NUBPL: variants seen among roughly 807,000 people sequenced by gnomAD.
NUBPL encodes the protein iron-sulfur cluster transfer protein NUBPL.
NUBPL carries 31 observed loss-of-function variants against 45.7 expected under a neutral mutation model. That is an observed-to-expected ratio of 0.68 (90% CI 0.51 to 0.92). The LOEUF (loss-of-function observed/expected upper bound fraction) is 0.92. Among genes scored for constraint, NUBPL ranks in the 40% least tolerant of loss-of-function variants. The pLI is 0.00. For missense variants in NUBPL, 401 were observed against 398.7 expected (o/e 1.01, Z -0.05); for synonymous variants, 144 against 140.9 (o/e 1.02, Z -0.15).
intron 4 of NUBPL, among the ~76,000 whole-genome samples, chr14:31,603,299 G>GAAAAAAA (rs529470069): frequency 8.8e-5 from 5 of 57,012 alleles, no homozygotes; most frequent in African/African-American, 2.5e-4. Flanking sequence ...GATCCTGTCT[G>GAAAAAAA]AAAAAAAAAA....
chr14:31,777,528 T>C (rs147612663), intron 6 of NUBPL, among the ~76,000 whole-genome samples: 1 of 152,134 alleles, frequency 6.6e-6, no homozygotes, highest in Non-Finnish European at 1.5e-5. Flanking sequence ...TAAAATAGGC[T>C]AGAACAATTT....
intron 7 of NUBPL, among the ~76,000 whole-genome samples, chr14:31,790,467 CTAA>C (rs2039359515): frequency 6.6e-6 from 1 of 152,062 alleles, no homozygotes; most frequent in African/African-American, 2.4e-5. Context: ...TTAAGTAGTA[CTAA>C]TAATATATTG....
intron 4 of NUBPL, among the ~76,000 whole-genome samples, chr14:31,669,107 C>T (rs991844797): frequency 1.3e-5 from 2 of 152,162 alleles, no homozygotes; most frequent in African/African-American, 2.4e-5. Context: ...AATTGACTCT[C>T]GAACTTCAGC....
chr14:31,638,589 G>T (rs949560494), intron 4 of NUBPL, among the ~76,000 whole-genome samples: 1 of 152,052 alleles, frequency 6.6e-6, no homozygotes, highest in Admixed American at 6.6e-5. Flanking sequence ...TTCTCGAGGA[G>T]TATCTTTGTG....
chr14:31,620,752 A>C (rs1281419864), intron 4 of NUBPL, among the ~76,000 whole-genome samples: 2 of 152,178 alleles, frequency 1.3e-5, no homozygotes, highest in African/African-American at 4.8e-5. Context: ...GTCAGGATAC[A>C]CAGGGGTCAG....
intron 6 of NUBPL, among the ~76,000 whole-genome samples, chr14:31,753,192 C>T (rs371881705): frequency 2.6e-5 from 4 of 152,208 alleles, no homozygotes; most frequent in East Asian, 1.9e-4. Context: ...CTGAGTGGGC[C>T]GGTTCTCAGG....
intron 6 of NUBPL, among the ~76,000 whole-genome samples, chr14:31,687,293 G>C (rs957353692): frequency 9.9e-5 from 15 of 152,054 alleles, no homozygotes; most frequent in African/African-American, 3.6e-4. Context: ...ATGTATCTTA[G>C]AAATATCAAA....
At chr14:31,694,504 A>G (rs2037170324) in intron 6 of NUBPL, among the ~76,000 whole-genome samples, 1 of 152,122 alleles carries the variant, frequency 6.6e-6, no homozygotes, top group African/African-American at 2.4e-5. Flanking sequence ...TCTTACAGCA[A>G]CATACATACA....
chr14:31,848,147 A>G (rs2040482327), intron 9 of NUBPL, among the ~76,000 whole-genome samples: 1 of 152,250 alleles, frequency 6.6e-6, no homozygotes, highest in African/African-American at 2.4e-5. Flanking sequence ...TATCAAAAAC[A>G]CTGACTACTG....
chr14:31,770,548 G>A (rs1455592737), intron 6 of NUBPL, among the ~76,000 whole-genome samples: 1 of 152,194 alleles, frequency 6.6e-6, no homozygotes, highest in Non-Finnish European at 1.5e-5. Flanking sequence ...AGTAATTGAG[G>A]AAGTTACGAA....
rs1425717336 is a variant in NUBPL at position 31,698,380 on chromosome 14, AGAC to A, written c.513+24807_513+24809del. Among the ~76,000 whole-genome samples, 76 of 151,656 alleles carry A rather than the reference AGAC, an allele frequency of 5.0e-4. 2 individuals carry two copies. The South Asian group carries it at 0.015, about 30-fold the overall frequency. On this transcript the variant is annotated intron_variant, in intron 6 of 10. Coordinates refer to ENST00000281081, the MANE Select transcript of NUBPL (RefSeq NM_025152.3). The stretch of plus-strand genomic sequence containing the variant: ...TCTTTTTTTTTTTTTAAGTGTTGAA[AGAC>A]TATTTTAAACTGATGGCGGCAGTTT...
chr14:31,628,883 A>T (rs1000664008), intron 4 of NUBPL, among the ~76,000 whole-genome samples: 2 of 152,174 alleles, frequency 1.3e-5, no homozygotes, highest in African/African-American at 4.8e-5. Flanking sequence ...AGTGAAACTG[A>T]CCTTTAATTT....
At chr14:31,604,410 C>T (rs372942462) in intron 4 of NUBPL, among the ~76,000 whole-genome samples, 1 of 152,230 alleles carries the variant, frequency 6.6e-6, no homozygotes, top group African/African-American at 2.4e-5. Context: ...ACAGAAAACA[C>T]AATACAATAC....
chr14:31,599,300 T>C lies in NUBPL; in HGVS notation c.303T>C (p.Ile101=), dbSNP rs1211479791. 4.3e-6 allele frequency: 7 copies of C among 1,610,540 alleles called. No homozygotes were observed. Among genetic ancestry groups the C allele is most frequent in the Non-Finnish European group, 5.1e-6 (6 of 1,177,334 alleles). ...TTATTTTTTTACAGTCCAAGGCCATTGGTTTGCTAGATGTGGATGTGTATG... is the reference window on the plus strand; with the variant it reads ...TTATTTTTTTACAGTCCAAGGCCATCGGTTTGCTAGATGTGGATGTGTATG... ...ALAANDSSKA[I]GLLDVDVYGP... is the part of the protein sequence containing the mutation. Residue 101 remains isoleucine, a synonymous_variant, in exon 4 of 11, where the codon ATT becomes ATC. Coordinates refer to ENST00000281081, the MANE Select transcript of NUBPL (RefSeq NM_025152.3).
At chr14:31,660,271 G>A (rs1335283793) in intron 4 of NUBPL, among the ~76,000 whole-genome samples, 1 of 152,024 alleles carries the variant, frequency 6.6e-6, no homozygotes, top group Non-Finnish European at 1.5e-5. Context: ...AGGTAAATAG[G>A]TAGAGCATTG....
At chr14:31,809,757 T>G (rs534069791) in intron 7 of NUBPL, among the ~76,000 whole-genome samples, 114 of 152,234 alleles carry the variant, frequency 7.5e-4, no homozygotes, top group African/African-American at 2.6e-3. Flanking sequence ...GGCATTTAGT[T>G]CTATAAATTT....
chr14:31,720,507 C>A (rs1217673075), intron 6 of NUBPL, among the ~76,000 whole-genome samples: 1 of 152,124 alleles, frequency 6.6e-6, no homozygotes. Flanking sequence ...TTCCACATTC[C>A]ACATAGGTAG....
chr14:31,586,282 A>G (rs569635078), intron 3 of NUBPL, among the ~76,000 whole-genome samples: 1 of 152,342 alleles, frequency 6.6e-6, no homozygotes, highest in African/African-American at 2.4e-5. Context: ...AGAATGTGGC[A>G]AGTGCAGCAG....
intron 4 of NUBPL, among the ~76,000 whole-genome samples, chr14:31,601,755 A>C (rs893552618): frequency 1.7e-4 from 26 of 152,188 alleles, no homozygotes; most frequent in Admixed American, 6.5e-5. Context: ...GCTGGAGAGG[A>C]TGTGGAGAAA....
Sources: allele counts gnomAD v4.1 joint callset (sites outside exome capture counted in the v4.1 genomes callset), GRCh38; gene constraint gnomAD v4.1.1; transcripts MANE v1.5; gene names NCBI Gene and HGNC (gene_info 2026-07-23, HGNC 2026-07-21).